CACNA2D3: variants seen among roughly 807,000 people sequenced by gnomAD.
CACNA2D3 encodes the protein voltage-dependent calcium channel subunit alpha-2/delta-3.
Under a neutral mutation model 160.6 loss-of-function variants are expected in CACNA2D3, and 60 were observed. That is an observed-to-expected ratio of 0.37 (90% CI 0.30 to 0.46). The LOEUF (loss-of-function observed/expected upper bound fraction) is 0.46, where lower values mean the gene tolerates loss of function less well. Ranked by LOEUF, CACNA2D3 falls within the 20% of genes least tolerant of loss-of-function variation. CACNA2D3 has a pLI of 1.00. For synonymous variants in CACNA2D3, 558 were observed against 492.9 expected, an observed-to-expected ratio of 1.13 and a Z score of -1.75; for missense variants, 1,205 against 1,365.0, an observed-to-expected ratio of 0.88 and a Z score of 1.85.
At chr3:54,936,024 G>T (rs182919736) in intron 27 of CACNA2D3, among the ~76,000 whole-genome samples, 3 of 152,156 alleles carry the variant, frequency 2.0e-5, no homozygotes, top group East Asian at 1.9e-4. Flanking sequence ...CAAAAATACC[G>T]CCTCCAACAT....
intron 11 of CACNA2D3, among the ~76,000 whole-genome samples, chr3:54,664,894 G>A (rs988994505): frequency 9.9e-5 from 15 of 152,200 alleles, no homozygotes; most frequent in Admixed American, 9.8e-4. Flanking sequence ...TGGAACCCCT[G>A]ACTCTGGGAC....
chr3:54,210,506 C>A (rs758798367), intron 2 of CACNA2D3, among the ~76,000 whole-genome samples: 10 of 151,754 alleles, frequency 6.6e-5, no homozygotes, highest in Admixed American at 2.0e-4. Flanking sequence ...GTTTAAAAAT[C>A]TGGGAGTATA....
At chr3:54,676,680 A>G (rs186147320) in intron 11 of CACNA2D3, among the ~76,000 whole-genome samples, 5 of 152,242 alleles carry the variant, frequency 3.3e-5, no homozygotes, top group African/African-American at 4.8e-5. Flanking sequence ...CACTTTCCCT[A>G]AGGAGCACTC....
At chr3:54,271,896 G>A (rs1350637970) in intron 2 of CACNA2D3, among the ~76,000 whole-genome samples, 1 of 152,238 alleles carries the variant, frequency 6.6e-6, no homozygotes, top group African/African-American at 2.4e-5. Flanking sequence ...CAAAAGCTCT[G>A]TGGAAAATAT....
intron 14 of CACNA2D3, among the ~76,000 whole-genome samples, chr3:54,825,655 T>C (rs908909193): frequency 1.3e-5 from 2 of 152,214 alleles, no homozygotes; most frequent in African/African-American, 4.8e-5. Flanking sequence ...GCCAGTATCT[T>C]AAAGAGATAA....
chr3:54,916,575 C>T (rs1700665315), intron 27 of CACNA2D3, among the ~76,000 whole-genome samples: 1 of 152,152 alleles, frequency 6.6e-6, no homozygotes, highest in Admixed American at 6.5e-5. Context: ...AATTGCTGCT[C>T]CAGAAAGGTG....
At chr3:54,470,886 C>G (rs534052423) in intron 4 of CACNA2D3, among the ~76,000 whole-genome samples, 2 of 152,216 alleles carry the variant, frequency 1.3e-5, no homozygotes, top group South Asian at 4.2e-4. Flanking sequence ...TATATGCACC[C>G]AATACAGGAG....
At chr3:55,000,929 G>A (rs1189242427) in intron 31 of CACNA2D3, among the ~76,000 whole-genome samples, 1 of 152,170 alleles carries the variant, frequency 6.6e-6, no homozygotes, top group African/African-American at 2.4e-5. Flanking sequence ...GAGAGCAAAA[G>A]GTGGTGGATT....
At chr3:54,379,215 G>T (rs941624825) in intron 3 of CACNA2D3, among the ~76,000 whole-genome samples, 2 of 152,158 alleles carry the variant, frequency 1.3e-5, no homozygotes, top group Admixed American at 6.5e-5. Context: ...TGAAATGTTT[G>T]CCATTTTTAA....
At chr3:55,013,464 TGG>T (rs1559463591) in intron 34 of CACNA2D3, among the ~76,000 whole-genome samples, 1 of 152,326 alleles carries the variant, frequency 6.6e-6, no homozygotes, top group South Asian at 2.1e-4. Flanking sequence ...TTGCTGTCAT[TGG>T]GATATCTTAT....
chr3:54,701,283 T>C (rs2106947835), intron 11 of CACNA2D3, among the ~76,000 whole-genome samples: 1 of 152,218 alleles, frequency 6.6e-6, no homozygotes, highest in East Asian at 1.9e-4. Context: ...AACTGGTTTG[T>C]GTCATTAAAG....
intron 4 of CACNA2D3, among the ~76,000 whole-genome samples, chr3:54,409,066 C>T (rs1699622675): frequency 6.6e-6 from 1 of 152,182 alleles, no homozygotes; most frequent in South Asian, 2.1e-4. Flanking sequence ...TACAGATATG[C>T]TTCATTTTAT....
chr3:54,292,510 A>G (rs932671171), intron 2 of CACNA2D3, among the ~76,000 whole-genome samples: 1 of 152,208 alleles, frequency 6.6e-6, no homozygotes, highest in Non-Finnish European at 1.5e-5. Context: ...AAAATGAACA[A>G]AGGTTCTGAA....
At chr3:54,871,815 G>A (rs983049061) in intron 18 of CACNA2D3, among the ~76,000 whole-genome samples, 193 bp downstream of exon 18, 1 of 152,184 alleles carries the variant, frequency 6.6e-6, no homozygotes, top group Non-Finnish European at 1.5e-5. Flanking sequence ...CGGACCAGTT[G>A]CAGACAGGCC....
chr3:54,912,174 G>A (rs1278810587), intron 27 of CACNA2D3, among the ~76,000 whole-genome samples: 1 of 152,206 alleles, frequency 6.6e-6, no homozygotes, highest in Non-Finnish European at 1.5e-5. Context: ...CTCATAGTGA[G>A]CTAGTTTACT....
At chr3:54,719,016 C>G (rs986023574) in intron 11 of CACNA2D3, among the ~76,000 whole-genome samples, 5 of 151,912 alleles carry the variant, frequency 3.3e-5, no homozygotes, top group African/African-American at 1.2e-4. Flanking sequence ...TTGCCAAGTT[C>G]ACTTACTGAA....
intron 11 of CACNA2D3, among the ~76,000 whole-genome samples, chr3:54,701,583 A>C (rs1700768543): frequency 6.6e-6 from 1 of 152,214 alleles, no homozygotes; most frequent in South Asian, 2.1e-4. Context: ...CGCTGCTGAA[A>C]GAAATCAGAG....
chr3:54,817,508 G>T (rs1189416727), intron 14 of CACNA2D3, among the ~76,000 whole-genome samples: 1 of 152,184 alleles, frequency 6.6e-6, no homozygotes, highest in Non-Finnish European at 1.5e-5. Context: ...GCATGTCGTT[G>T]TATCCTAAGG....
intron 27 of CACNA2D3, among the ~76,000 whole-genome samples, chr3:54,965,984 G>A (rs1702140575): frequency 6.6e-6 from 1 of 152,168 alleles, no homozygotes. Flanking sequence ...GACTCATGAG[G>A]AAAGATGAAA....
Sources: gnomAD v4.1 joint callset for allele counts (sites outside exome capture counted in the v4.1 genomes callset) on GRCh38, gnomAD v4.1.1 for gene constraint, MANE v1.5 for transcripts, NCBI Gene and HGNC (gene_info 2026-07-23, HGNC 2026-07-21) for gene names.